PCDHA7: variants seen among roughly 807,000 people sequenced by gnomAD.
PCDHA7 encodes the protein protocadherin alpha-7.
PCDHA7 carries 37 observed loss-of-function variants against 57.2 expected under a neutral mutation model. The observed-to-expected ratio is 0.65, with a 90% confidence interval of 0.50 to 0.85. The LOEUF (loss-of-function observed/expected upper bound fraction) is 0.85. Among genes scored for constraint, PCDHA7 ranks in the 40% least tolerant of loss-of-function variants. PCDHA7 has a pLI of 0.00. For synonymous variants in PCDHA7, 553 were observed against 558.8 expected (o/e 0.99, Z 0.15); for missense variants, 1,188 against 1,241.8 (o/e 0.96, Z 0.65).
intron 3 of PCDHA7, among the ~76,000 whole-genome samples, chr5:140,998,936 A>G (rs1328813980): frequency 6.6e-5 from 10 of 152,246 alleles, no homozygotes; most frequent in African/African-American, 2.4e-4. Flanking sequence ...TTACAGATGA[A>G]GAAACTGTAA....
At chr5:140,849,751 C>A (rs1664372537) in intron 1 of PCDHA7, 2 of 1,598,420 alleles carry the variant, frequency 1.3e-6, no homozygotes, top group Non-Finnish European at 1.7e-6. Flanking sequence ...GAGAGTGTGT[C>A]CGCCTACGAG....
chr5:140,841,746 T>G (rs1562391326), intron 1 of PCDHA7: 2 of 1,613,910 alleles, frequency 1.2e-6, no homozygotes, highest in Non-Finnish European at 1.7e-6. Flanking sequence ...AAGCTGTTTG[T>G]TTCAGAATCC....
In PCDHA7 at chr5:140,845,401, T is replaced by C. The variant is rs1326186010; in HGVS notation, c.2355+8663T>C. On this transcript the variant is annotated intron_variant, in intron 1 of 3. Transcript: ENST00000525929. Reference sequence around the variant, plus strand: ...GGAGGATTCTTTCCACCACCTAGCATTGTATTTGGCAATTTATCATTTAAG... The same window carrying C: ...GGAGGATTCTTTCCACCACCTAGCACTGTATTTGGCAATTTATCATTTAAG... Among the ~76,000 whole-genome samples, 3 of 149,536 alleles carry C rather than the reference T, an allele frequency of 2.0e-5. 1 individual carries two copies. The highest frequency in any genetic ancestry group is 1.5e-5 in the Non-Finnish European group (1 of 66,828).
chr5:140,966,188 T>G (rs1454663585), intron 1 of PCDHA7: 7 of 200,348 alleles, frequency 3.5e-5, no homozygotes, highest in Non-Finnish European at 6.9e-5. Context: ...ATAGCCAGAC[T>G]TCTAGGGGCT....
intron 3 of PCDHA7, among the ~76,000 whole-genome samples, chr5:140,984,251 T>C (rs1164028325): frequency 6.6e-6 from 1 of 152,210 alleles, no homozygotes; most frequent in Non-Finnish European, 1.5e-5. Flanking sequence ...GTCGACCTGG[T>C]AAGCCACAAA....
At chr5:140,941,255 C>CTTTCTTTCTTTCTCTT (rs782490896) in intron 1 of PCDHA7, among the ~76,000 whole-genome samples, 1 of 44,508 alleles carries the variant, frequency 2.2e-5, no homozygotes, top group East Asian at 7.5e-4. Context: ...TTCTTTCTTT[C>CTTTCTTTCTTTCTCTT]TCTTTCTTTC....
chr5:140,863,186 TG>T, intron 1 of PCDHA7: 1 of 771,164 alleles, frequency 1.3e-6, no homozygotes, highest in Non-Finnish European at 2.2e-6. Flanking sequence ...ACCGTCACCG[TG>T]GTGGCGTCGC....
rs1310366696 is a variant in PCDHA7 at position 140,890,210 on chromosome 5, T to A, written c.2355+53472T>A. Among the ~76,000 whole-genome samples the A allele has an allele frequency of 5.3e-5, 8 of 152,148 alleles. 1 individual carries two copies. Among genetic ancestry groups the A allele is most frequent in the Admixed American group, 3.3e-4 (5 of 15,270 alleles). On this transcript the variant is annotated intron_variant, in intron 1 of 3. Coordinates refer to ENST00000525929, the MANE Select transcript of PCDHA7 (RefSeq NM_018910.3). ...AACAGAGTTTTTTGTTTTTCTTTTT[T>A]CCCAGAGACCTAGTTGTTAAGCATT... is the stretch of plus-strand genomic sequence containing the variant.
intron 1 of PCDHA7, chr5:140,928,916 G>A (rs1287378711): frequency 5.0e-6 from 8 of 1,613,988 alleles, no homozygotes; most frequent in East Asian, 2.2e-5. Flanking sequence ...GAACCAGGAG[G>A]GCAGCTTTCT....
At chr5:141,007,019 A>G (rs1230035062) in intron 3 of PCDHA7, among the ~76,000 whole-genome samples, 1 of 152,192 alleles carries the variant, frequency 6.6e-6, no homozygotes, top group African/African-American at 2.4e-5. Flanking sequence ...CAGCTTATTC[A>G]TATGGTATTT....
chr5:140,991,875 G>A (rs2097477734), intron 3 of PCDHA7, among the ~76,000 whole-genome samples: 1 of 152,092 alleles, frequency 6.6e-6, no homozygotes, highest in South Asian at 2.1e-4. Context: ...AGTTTCCTAG[G>A]GCTGCCATAA....
chr5:140,985,401 C>T (rs2097150530), intron 3 of PCDHA7, among the ~76,000 whole-genome samples: 1 of 152,108 alleles, frequency 6.6e-6, no homozygotes, highest in Non-Finnish European at 1.5e-5. Flanking sequence ...CCAACTGTTC[C>T]CCTGGAAATG....
chr5:140,923,570 C>T (rs1554201533), intron 1 of PCDHA7, among the ~76,000 whole-genome samples: 2 of 152,136 alleles, frequency 1.3e-5, no homozygotes, highest in African/African-American at 4.8e-5. Context: ...AAAGGTCCTG[C>T]TAAAGAGAAG....
intron 1 of PCDHA7, among the ~76,000 whole-genome samples, chr5:140,940,207 G>C (rs1554213216): frequency 2.6e-5 from 4 of 152,094 alleles, no homozygotes; most frequent in Non-Finnish European, 5.9e-5. Context: ...TAAAATTCAA[G>C]ATTGGCATTT....
chr5:140,890,775 CATAAG>C (rs1358140207), intron 1 of PCDHA7, among the ~76,000 whole-genome samples: 5 of 152,040 alleles, frequency 3.3e-5, no homozygotes, highest in Admixed American at 6.6e-5. Context: ...TTTAAAACCC[CATAAG>C]ATATTAGTAT....
At chr5:140,853,965 C>A (rs1349706249) in intron 1 of PCDHA7, 2 of 649,666 alleles carry the variant, frequency 3.1e-6, no homozygotes, top group African/African-American at 2.0e-5. Context: ...TTGAGCCCAG[C>A]AGTTTGAGAC....
chr5:140,893,568 C>T (rs1554185659), intron 1 of PCDHA7, among the ~76,000 whole-genome samples: 1 of 152,150 alleles, frequency 6.6e-6, no homozygotes, highest in Non-Finnish European at 1.5e-5. Flanking sequence ...TGTACTTCCT[C>T]AGTTTTTGCT....
intron 3 of PCDHA7, among the ~76,000 whole-genome samples, chr5:141,006,417 G>A (rs1010340395): frequency 6.6e-6 from 1 of 152,030 alleles, no homozygotes; most frequent in Admixed American, 6.6e-5. Flanking sequence ...GTTTCACTGT[G>A]TTAGCCAGGA....
rs532609088 is a variant in PCDHA7, at chr5:140,890,699, T to A, written c.2355+53961T>A. 2.6e-5 allele frequency among the ~76,000 whole-genome samples: 4 copies of A among 152,312 alleles called. No homozygotes were observed. In the East Asian group the frequency reaches 7.7e-4, roughly 29 times the overall value. On this transcript the variant is annotated intron_variant, in intron 1 of 3. Transcript: ENST00000525929. ...CTCCTTCTGGGAAATGCAGGGACCT[T>A]ACATTTTTAAAATCTTTTTAATCCC... is the stretch of plus-strand genomic sequence containing the variant.
Sources: allele counts gnomAD v4.1 joint callset (sites outside exome capture counted in the v4.1 genomes callset), GRCh38; gene constraint gnomAD v4.1.1; transcripts MANE v1.5; gene names NCBI Gene and HGNC (gene_info 2026-07-23, HGNC 2026-07-21).